Variants in VAT1L observed in about 807,000 individuals in gnomAD.
VAT1L encodes the protein vesicle amine transport 1 like.
A neutral mutation model predicts 44.1 loss-of-function variants in VAT1L; 34 were observed. The ratio of observed to expected loss-of-function variants is 0.77; its 90% CI spans 0.59 to 1.03. The LOEUF (loss-of-function observed/expected upper bound fraction) is 1.03, where lower values mean the gene tolerates loss of function less well. VAT1L is among the 50% of genes least tolerant of loss of function. The probability of loss-of-function intolerance (pLI) is 0.00; values close to 1 mark genes in which losing one functional copy is unlikely to be tolerated. For missense variants in VAT1L, 615 were observed against 538.8 expected (o/e 1.14, Z -1.40); for synonymous variants, 253 against 202.2 (o/e 1.25, Z -2.13).
chr16:77,864,967 C>CTT (rs869037679), intron 4 of VAT1L, among the ~76,000 whole-genome samples: 1,649 of 95,222 alleles, frequency 0.017, 2 homozygotes, highest in Non-Finnish European at 0.02. Context: ...TCTTCTTATC[C>CTT]TTTTTTTTTT....
At chr16:77,946,167 C>G (rs2017960160) in intron 7 of VAT1L, among the ~76,000 whole-genome samples, 1 of 151,626 alleles carries the variant, frequency 6.6e-6, no homozygotes, top group Admixed American at 6.6e-5. Context: ...TTTTTTCCCT[C>G]TTGTACACTC....
chr16:77,905,674 G>C (rs969822239), intron 7 of VAT1L, among the ~76,000 whole-genome samples: 4 of 152,150 alleles, frequency 2.6e-5, no homozygotes, highest in Non-Finnish European at 5.9e-5. Context: ...TAGCTGCAGT[G>C]TAGGTTTGTT....
chr16:77,925,486 T>C (rs1203032811), intron 7 of VAT1L, among the ~76,000 whole-genome samples: 1 of 152,174 alleles, frequency 6.6e-6, no homozygotes, highest in Non-Finnish European at 1.5e-5. Flanking sequence ...GAGGTCCATA[T>C]ATGCAATGGC....
At chr16:77,801,674 A>G (rs2016055548) in intron 1 of VAT1L, 1 of 150,866 alleles carries the variant, frequency 6.6e-6, no homozygotes, top group Non-Finnish European at 1.5e-5. Context: ...GCACACTTGT[A>G]CCTTTGAGCA....
intron 1 of VAT1L, among the ~76,000 whole-genome samples, chr16:77,790,679 G>T (rs187432711): frequency 6.6e-6 from 1 of 152,038 alleles, no homozygotes; most frequent in African/African-American, 2.4e-5. Context: ...ATATGTATGC[G>T]TATGTAATTT....
At position 77,910,298 on chromosome 16, in the gene VAT1L, A is replaced by G. The variant is rs558879257; in HGVS notation, c.1077+25496A>G. Among the ~76,000 whole-genome samples the G allele has an allele frequency of 1.1e-4, 16 of 152,326 alleles. No homozygotes were observed. The East Asian group carries it at 2.1e-3, about 20-fold the overall frequency. On this transcript the variant is annotated intron_variant, in intron 7 of 8. Coordinates refer to ENST00000302536, the MANE Select transcript of VAT1L (RefSeq NM_020927.3). The stretch of plus-strand genomic sequence containing the variant: ...TTTCACAGATGTCCAGTTAAAGCTA[A>G]AAAACGAGCCTCTCAGGATATGTTT...
At chr16:77,854,008 G>C (rs2016832179) in intron 3 of VAT1L, among the ~76,000 whole-genome samples, 1 of 152,068 alleles carries the variant, frequency 6.6e-6, no homozygotes, top group Non-Finnish European at 1.5e-5. Context: ...CGTGCCTGTA[G>C]TCCCAGCTAC....
At chr16:77,871,621 C>G (rs2142449751) in intron 4 of VAT1L, among the ~76,000 whole-genome samples, 1 of 152,260 alleles carries the variant, frequency 6.6e-6, no homozygotes, top group South Asian at 2.1e-4. Flanking sequence ...GGTGAGTCAC[C>G]TGACCCTCAC....
At chr16:77,892,438 T>G (rs2017277297) in intron 7 of VAT1L, 1 of 476,732 alleles carries the variant, frequency 2.1e-6, no homozygotes, top group African/African-American at 2.0e-5. Flanking sequence ...TCAATCCCAC[T>G]ATGTTGGGGT....
At chr16:77,826,043 A>AG (rs2016517551) in intron 3 of VAT1L, among the ~76,000 whole-genome samples, 1 of 111,648 alleles carries the variant, frequency 9.0e-6, no homozygotes, top group Non-Finnish European at 1.9e-5. Context: ...GAAAAAAAAA[A>AG]AAAAAAGAAA....
chr16:77,851,234 C>A (rs891460733), intron 3 of VAT1L, among the ~76,000 whole-genome samples: 1 of 152,184 alleles, frequency 6.6e-6, no homozygotes, highest in African/African-American at 2.4e-5. Context: ...ACAGATTGAA[C>A]CTTTCCAACC....
intron 3 of VAT1L, among the ~76,000 whole-genome samples, chr16:77,861,600 A>C (rs2016915049): frequency 6.6e-6 from 1 of 152,216 alleles, no homozygotes; most frequent in Admixed American, 6.5e-5. Flanking sequence ...CTGTGTTGCA[A>C]AATACCTTAT....
chr16:77,950,455 C>CACACAG (rs1567519674), intron 7 of VAT1L, among the ~76,000 whole-genome samples: 1 of 142,978 alleles, frequency 7.0e-6, no homozygotes, highest in Non-Finnish European at 1.5e-5. Flanking sequence ...CACACACACA[C>CACACAG]AGTTATAATG....
At chr16:77,949,208 G>A (rs1020956573) in intron 7 of VAT1L, among the ~76,000 whole-genome samples, 7 of 152,166 alleles carry the variant, frequency 4.6e-5, no homozygotes, top group Non-Finnish European at 8.8e-5. Context: ...TACACACGTG[G>A]AGATTAGAGC....
At chr16:77,889,320 G>C (rs1173266355) in intron 7 of VAT1L, among the ~76,000 whole-genome samples, 1 of 152,224 alleles carries the variant, frequency 6.6e-6, no homozygotes, top group Non-Finnish European at 1.5e-5. Flanking sequence ...ACAAAGCAGA[G>C]TGGGTCTACT....
chr16:77,958,826 C>T (rs7184458), intron 7 of VAT1L, among the ~76,000 whole-genome samples: 13,145 of 152,194 alleles, frequency 0.086, 655 homozygotes, highest in African/African-American at 0.12. Flanking sequence ...TCTTCTCCTT[C>T]GAAGAACATT....
intron 3 of VAT1L, among the ~76,000 whole-genome samples, chr16:77,840,316 G>A (rs572152547): frequency 1.5e-4 from 23 of 152,310 alleles, no homozygotes; most frequent in Middle Eastern, 3.4e-3. Context: ...AAGGGCACAC[G>A]TGAATGGTTA....
intron 1 of VAT1L, among the ~76,000 whole-genome samples, chr16:77,810,149 T>G (rs2016239724): frequency 6.6e-6 from 1 of 152,170 alleles, no homozygotes; most frequent in Non-Finnish European, 1.5e-5. Context: ...AACTTTTCAT[T>G]TACTTTCTAT....
At chr16:77,906,830 A>G (rs917229657) in intron 7 of VAT1L, among the ~76,000 whole-genome samples, 3 of 152,240 alleles carry the variant, frequency 2.0e-5, no homozygotes, top group Non-Finnish European at 4.4e-5. Context: ...AGGAACTGCC[A>G]TCTTCCACAT....
Sources: allele counts gnomAD v4.1 joint callset (sites outside exome capture counted in the v4.1 genomes callset), GRCh38; gene constraint gnomAD v4.1.1; transcripts MANE v1.5; gene names NCBI Gene and HGNC (gene_info 2026-07-23, HGNC 2026-07-21).